The following TAFA2 variants were observed in gnomAD, a reference collection of about 807,000 sequenced individuals.
TAFA2 encodes TAFA chemokine like family member 2.
In TAFA2, 7 loss-of-function variants were observed where a neutral mutation model predicts 18.8. That is an observed-to-expected ratio of 0.37 (90% CI 0.21 to 0.70). The LOEUF is 0.70. Ranked by LOEUF, TAFA2 falls within the 30% of genes least tolerant of loss-of-function variation. The pLI, the probability that TAFA2 is intolerant of heterozygous loss-of-function variation, is 0.53. For missense variants in TAFA2, 122 were observed against 158.1 expected, an observed-to-expected ratio of 0.77 and a Z score of 1.23; for synonymous variants, 60 against 54.2, an observed-to-expected ratio of 1.11 and a Z score of -0.47.
intron 2 of TAFA2, among the ~76,000 whole-genome samples, chr12:61,839,131 C>G (rs747865647): frequency 1.1e-4 from 16 of 152,174 alleles, no homozygotes; most frequent in Non-Finnish European, 1.9e-4. Context: ...TTTTTGTTCT[C>G]CAGGAACTTA....
At chr12:61,805,941 C>T (rs1871592108) in intron 2 of TAFA2, among the ~76,000 whole-genome samples, 1 of 152,034 alleles carries the variant, frequency 6.6e-6, no homozygotes, top group South Asian at 2.1e-4. Flanking sequence ...ACACTAACTA[C>T]AAACATATCT....
At chr12:61,863,454 C>T (rs1000451510) in intron 2 of TAFA2, among the ~76,000 whole-genome samples, 1 of 152,124 alleles carries the variant, frequency 6.6e-6, no homozygotes, top group Non-Finnish European at 1.5e-5. Context: ...TTAGGAAAGC[C>T]TCCTACATGA....
chr12:62,227,792 T>C (rs1349620371), intron 1 of TAFA2, among the ~76,000 whole-genome samples: 2 of 152,188 alleles, frequency 1.3e-5, no homozygotes, highest in African/African-American at 2.4e-5. Context: ...TTTGTGTATA[T>C]GGTGAGAGGG....
At chr12:61,930,743 T>C (rs1437180755) in intron 1 of TAFA2, among the ~76,000 whole-genome samples, 2 of 152,244 alleles carry the variant, frequency 1.3e-5, no homozygotes, top group Non-Finnish European at 2.9e-5. Flanking sequence ...GGAACATATT[T>C]TCAGAATTTT....
At chr12:62,200,224 A>G (rs2062665403) in intron 1 of TAFA2, among the ~76,000 whole-genome samples, 2 of 152,134 alleles carry the variant, frequency 1.3e-5, no homozygotes, top group African/African-American at 4.8e-5. Context: ...CTCTGATGAT[A>G]GTTTCTTTTG....
intron 1 of TAFA2, among the ~76,000 whole-genome samples, chr12:62,107,865 A>C (rs755933182): frequency 1.1e-4 from 17 of 152,196 alleles, no homozygotes; most frequent in Non-Finnish European, 2.5e-4. Context: ...GAGGCCATAA[A>C]AATTATCTTC....
At chr12:61,759,384 T>A (rs1354126258) in intron 2 of TAFA2, among the ~76,000 whole-genome samples, 1 of 151,964 alleles carries the variant, frequency 6.6e-6, no homozygotes, top group Non-Finnish European at 1.5e-5. Context: ...GAGGAGAAAC[T>A]AATATCAATT....
chr12:62,154,776 A>T (rs916074562), intron 1 of TAFA2, among the ~76,000 whole-genome samples: 6 of 152,166 alleles, frequency 3.9e-5, no homozygotes, highest in African/African-American at 1.4e-4. Flanking sequence ...ACACACAAAC[A>T]CACACATTGC....
In TAFA2 at chr12:62,043,311, T is replaced by C. The variant is rs1881813929; in HGVS notation, c.-2+147948A>G. ...AAAAATGATGAGTTCATGTCCTTTGTAGGGACATGGATGAAACTGGAAACC... is the reference window on the plus strand; with the variant it reads ...AAAAATGATGAGTTCATGTCCTTTGCAGGGACATGGATGAAACTGGAAACC... On this transcript the variant is annotated intron_variant, in intron 1 of 4. Coordinates refer to ENST00000416284, the MANE Select transcript of TAFA2 (RefSeq NM_178539.5). Among the ~76,000 whole-genome samples, 5 of 152,246 alleles carry C rather than the reference T, an allele frequency of 3.3e-5. No individual in the cohort carries two copies. In the South Asian group the frequency reaches 1.0e-3, roughly 32 times the overall value.
chr12:61,782,124 T>G (rs1314738815), intron 2 of TAFA2, among the ~76,000 whole-genome samples: 1 of 151,600 alleles, frequency 6.6e-6, no homozygotes, highest in African/African-American at 2.4e-5. Flanking sequence ...TAAACGAAAT[T>G]CTAATGTCCC....
intron 1 of TAFA2, among the ~76,000 whole-genome samples, chr12:61,909,845 G>A (rs1479858408): frequency 6.6e-6 from 1 of 152,120 alleles, no homozygotes. Flanking sequence ...TATTCCCTGA[G>A]AAGAATCTGC....
intron 1 of TAFA2, among the ~76,000 whole-genome samples, chr12:62,144,497 A>G (rs1374948720): frequency 6.6e-6 from 1 of 152,126 alleles, no homozygotes; most frequent in Non-Finnish European, 1.5e-5. Context: ...ATATTTGTGG[A>G]AAAAAATTTT....
Position 62,177,778 on chromosome 12 carries a change from A to T in TAFA2, c.-2+13481T>A, listed in dbSNP as rs562905871. Among the ~76,000 whole-genome samples, 8 of 152,142 alleles carry T rather than the reference A, an allele frequency of 5.3e-5. 1 individual carries two copies. In the South Asian group the frequency reaches 1.7e-3, roughly 32 times the overall value. On this transcript the variant is annotated intron_variant, in intron 1 of 4. Transcript: ENST00000416284. Reference sequence around the variant, plus strand: ...ATTATTGACTCTTTTCTCTCCCACTACCACATATTCAGTCTCCAAGACCAG... The same window carrying T: ...ATTATTGACTCTTTTCTCTCCCACTTCCACATATTCAGTCTCCAAGACCAG...
At chr12:61,820,326 C>T (rs903613020) in intron 2 of TAFA2, among the ~76,000 whole-genome samples, 2 of 152,000 alleles carry the variant, frequency 1.3e-5, no homozygotes, top group Non-Finnish European at 2.9e-5. Flanking sequence ...AAATCTGTCT[C>T]AACATATCCA....
At chr12:61,900,562 A>G (rs1876053350) in intron 1 of TAFA2, among the ~76,000 whole-genome samples, 1 of 152,178 alleles carries the variant, frequency 6.6e-6, no homozygotes, top group Admixed American at 6.5e-5. Context: ...TCCTTCCTCC[A>G]ATGGCAGCAG....
At chr12:62,018,949 A>T (rs1304123408) in intron 1 of TAFA2, among the ~76,000 whole-genome samples, 2 of 152,202 alleles carry the variant, frequency 1.3e-5, no homozygotes, top group Non-Finnish European at 2.9e-5. Context: ...AATATCCAGA[A>T]TCTACAATGA....
chr12:61,918,983 T>G (rs1876937656), intron 1 of TAFA2, among the ~76,000 whole-genome samples: 2 of 152,232 alleles, frequency 1.3e-5, no homozygotes, highest in Non-Finnish European at 2.9e-5. Flanking sequence ...GAACCATAGT[T>G]CCAATCTCTT....
At chr12:61,725,154 T>C (rs1282724260) in intron 4 of TAFA2, among the ~76,000 whole-genome samples, 1 of 152,154 alleles carries the variant, frequency 6.6e-6, no homozygotes, top group African/African-American at 2.4e-5. Context: ...TTCTTGATGA[T>C]TTGAGTTCCT....
chr12:61,973,205 A>G lies in TAFA2; in HGVS notation c.-1-105779T>C, dbSNP rs74096149. On this transcript the variant is annotated intron_variant, in intron 1 of 4. Transcript: ENST00000416284. Reference sequence around the variant, plus strand: ...CCCAGGAGCATACCTGTGAATGCAAATTAAAAGTGCACATACAAATGTTGT... The same window carrying G: ...CCCAGGAGCATACCTGTGAATGCAAGTTAAAAGTGCACATACAAATGTTGT... Among the ~76,000 whole-genome samples the G allele has an allele frequency of 8.1e-3, 1,222 of 151,674 alleles. 14 individuals are homozygous for G. The highest frequency in any genetic ancestry group is 0.029 in the African/African-American group (1,182 of 41,440).
Sources: gnomAD v4.1 joint callset for allele counts (sites outside exome capture counted in the v4.1 genomes callset) on GRCh38, gnomAD v4.1.1 for gene constraint, MANE v1.5 for transcripts, NCBI Gene and HGNC (gene_info 2026-07-23, HGNC 2026-07-21) for gene names.